The following SUGCT variants were observed in gnomAD, a reference collection of about 807,000 sequenced individuals.
The protein encoded by SUGCT is succinyl-CoA:glutarate-CoA transferase.
A neutral mutation model predicts 55.0 loss-of-function variants in SUGCT; 41 were observed. That is an observed-to-expected ratio of 0.74 (90% CI 0.58 to 0.97). The LOEUF is 0.97. Ranked by LOEUF, SUGCT falls within the 50% of genes least tolerant of loss-of-function variation. The pLI is 0.00. For synonymous variants in SUGCT, 187 were observed against 200.4 expected, an observed-to-expected ratio of 0.93 and a Z score of 0.56; for missense variants, 568 against 547.8, an observed-to-expected ratio of 1.04 and a Z score of -0.37.
At chr7:40,958,303 A>T in the SUGCT span, among the ~76,000 whole-genome samples, 1 of 152,012 alleles carries the variant, frequency 6.6e-6, no homozygotes, top group Non-Finnish European at 1.5e-5. Context: ...TACACCAATT[A>T]AGCATAGGTT....
intron 9 of SUGCT, among the ~76,000 whole-genome samples, chr7:40,440,627 T>C (rs757080861): frequency 6.6e-6 from 1 of 152,156 alleles, no homozygotes; most frequent in South Asian, 2.1e-4. Flanking sequence ...ATTTACCAAG[T>C]CAGTAAATTT....
chr7:40,770,151 T>C (rs1789018417), intron 13 of SUGCT, among the ~76,000 whole-genome samples: 1 of 152,180 alleles, frequency 6.6e-6, no homozygotes, highest in Non-Finnish European at 1.5e-5. Context: ...CCATGCTGTT[T>C]TGTCTCTGTT....
chr7:40,735,905 C>G (rs1283263309), intron 12 of SUGCT, among the ~76,000 whole-genome samples: 1 of 151,932 alleles, frequency 6.6e-6, no homozygotes, highest in Non-Finnish European at 1.5e-5. Context: ...AACCACCAAA[C>G]AGAAAATTAA....
At chr7:40,294,832 C>T (rs1447358097) in intron 8 of SUGCT, among the ~76,000 whole-genome samples, 1 of 152,160 alleles carries the variant, frequency 6.6e-6, no homozygotes, top group Non-Finnish European at 1.5e-5. Context: ...CAGGTGTGAG[C>T]CACTGTGCCT....
At chr7:40,467,007 T>G (rs138553646) in intron 11 of SUGCT, among the ~76,000 whole-genome samples, 2 of 151,980 alleles carry the variant, frequency 1.3e-5, no homozygotes, top group East Asian at 1.9e-4. Flanking sequence ...ATCGAGACCA[T>G]GCTGGCTAAC....
chr7:40,963,583 A>G, the SUGCT span, among the ~76,000 whole-genome samples: 2 of 152,232 alleles, frequency 1.3e-5, no homozygotes, highest in African/African-American at 2.4e-5. Context: ...GTTAAATTAA[A>G]TGGAATACTC....
At chr7:40,497,382 A>G (rs1792042140) in intron 12 of SUGCT, among the ~76,000 whole-genome samples, 1 of 152,190 alleles carries the variant, frequency 6.6e-6, no homozygotes, top group Non-Finnish European at 1.5e-5. Flanking sequence ...TGGTTACTAC[A>G]TTTACTGGAG....
the SUGCT span, among the ~76,000 whole-genome samples, chr7:40,959,468 G>A: frequency 2.0e-5 from 3 of 152,184 alleles, no homozygotes; most frequent in East Asian, 5.8e-4. Flanking sequence ...TTTACACTGT[G>A]AGGGGAAAAC....
intron 13 of SUGCT, among the ~76,000 whole-genome samples, chr7:40,856,029 A>C (rs1374073601): frequency 3.9e-5 from 6 of 152,150 alleles, no homozygotes; most frequent in Admixed American, 3.9e-4. Context: ...TCCTATTTCT[A>C]GTCCCTGTTC....
intron 9 of SUGCT, among the ~76,000 whole-genome samples, chr7:40,430,511 G>T (rs149096256): frequency 8.3e-4 from 127 of 152,172 alleles, no homozygotes; most frequent in Non-Finnish European, 1.4e-3. Flanking sequence ...TAAAAATCAG[G>T]TTGTTTTCCA....
chr7:40,356,416 C>G (rs1265893220), intron 9 of SUGCT, among the ~76,000 whole-genome samples: 1 of 152,126 alleles, frequency 6.6e-6, no homozygotes, highest in African/African-American at 2.4e-5. Context: ...CATTCATGAT[C>G]CTGAGCTCAA....
At position 40,328,750 on chromosome 7, in the gene SUGCT, CATGTGTGTGT is replaced by C. The variant is rs941796064; in HGVS notation, c.816+11912_816+11921del. Among the ~76,000 whole-genome samples the C allele has an allele frequency of 5.3e-5, 8 of 151,140 alleles. No individual in the cohort carries two copies. The South Asian group carries it at 6.3e-4, about 12-fold the overall frequency. ...GTGTGTATGTGTGTGTATGTGTGTGCATGTGTGTGTATGTGTGTGTATGTGTATGTGTTTT... is the reference window on the plus strand; with the variant it reads ...GTGTGTATGTGTGTGTATGTGTGTGCATGTGTGTGTATGTGTATGTGTTTT... On this transcript the variant is annotated intron_variant, in intron 9 of 13. Coordinates refer to ENST00000335693, the MANE Select transcript of SUGCT (RefSeq NM_001193313.2).
At chr7:40,594,347 A>AG (rs202226637) in intron 12 of SUGCT, among the ~76,000 whole-genome samples, 1,630 of 152,190 alleles carry the variant, frequency 0.011, 19 homozygotes, top group Middle Eastern at 0.037. Context: ...TAAAAAAAAA[A>AG]AAATATGATG....
chr7:40,444,092 T>C (rs1788673137), intron 9 of SUGCT, among the ~76,000 whole-genome samples: 2 of 152,166 alleles, frequency 1.3e-5, no homozygotes, highest in South Asian at 4.1e-4. Flanking sequence ...ATCTCTGTTT[T>C]GGTACCAGTA....
chr7:40,609,044 G>A (rs1328242290), intron 12 of SUGCT, among the ~76,000 whole-genome samples: 1 of 152,084 alleles, frequency 6.6e-6, no homozygotes, highest in African/African-American at 2.4e-5. Context: ...TTCAAGGTAT[G>A]CTAGGAATAA....
chr7:40,418,045 G>GT (rs1303223149), intron 9 of SUGCT, among the ~76,000 whole-genome samples: 4 of 152,118 alleles, frequency 2.6e-5, no homozygotes, highest in African/African-American at 9.7e-5. Flanking sequence ...GATGTGTATG[G>GT]TTTTTTGAAC....
At chr7:40,294,338 T>C (rs1364812025) in intron 8 of SUGCT, among the ~76,000 whole-genome samples, 1 of 152,166 alleles carries the variant, frequency 6.6e-6, no homozygotes, top group Non-Finnish European at 1.5e-5. Context: ...TAACAGCAGC[T>C]TACCTGTGTA....
intron 3 of SUGCT, among the ~76,000 whole-genome samples, chr7:40,187,565 G>T (rs1023234619): frequency 6.6e-6 from 1 of 152,132 alleles, no homozygotes; most frequent in Non-Finnish European, 1.5e-5. Context: ...TGAAACCCCA[G>T]TTAGATCAGG....
At chr7:40,724,443 G>A (rs1786509632) in intron 12 of SUGCT, among the ~76,000 whole-genome samples, 1 of 152,098 alleles carries the variant, frequency 6.6e-6, no homozygotes, top group Non-Finnish European at 1.5e-5. Flanking sequence ...TGCGCCTGTA[G>A]TCCCAGCTGC....
Sources: gnomAD v4.1 joint callset for allele counts (sites outside exome capture counted in the v4.1 genomes callset) on GRCh38, gnomAD v4.1.1 for gene constraint, MANE v1.5 for transcripts, NCBI Gene and HGNC (gene_info 2026-07-23, HGNC 2026-07-21) for gene names.